The following NPAS2 variants were observed in gnomAD, a reference collection of about 807,000 sequenced individuals.
NPAS2 encodes the protein neuronal PAS domain protein 2.
Under a neutral mutation model 107.5 loss-of-function variants are expected in NPAS2, and 23 were observed. The observed-to-expected ratio is 0.21, with a 90% CI of 0.15 to 0.30. The LOEUF is 0.30. Ranked by LOEUF, NPAS2 falls within the 10% of genes least tolerant of loss-of-function variation. NPAS2 has a pLI of 1.00. For synonymous variants in NPAS2, 403 were observed against 417.5 expected (o/e 0.97, Z 0.42); for missense variants, 756 against 1,043.3 (o/e 0.72, Z 3.79).
chr2:100,973,173 C>T lies in NPAS2; in HGVS notation c.1141-1630C>T, dbSNP rs1573761107. Among the ~76,000 whole-genome samples the T allele has an allele frequency of 2.0e-5, 3 of 150,138 alleles. No homozygotes were observed. The South Asian group carries it at 6.3e-4, about 32-fold the overall frequency. ...CAGCCTGGGCAACAGAGCGAGACTC[C>T]GTCTCAAAAAAAAAAAAAATACAAA... On this transcript the variant is annotated intron_variant, in intron 12 of 20. Coordinates refer to ENST00000335681, the MANE Select transcript of NPAS2 (RefSeq NM_002518.4).
intron 20 of NPAS2, chr2:100,995,019 G>A (rs769325373): frequency 4.7e-6 from 1 of 212,264 alleles, no homozygotes; most frequent in South Asian, 1.7e-4. Context: ...CTGTATGTGT[G>A]TTTGGATTCT....
intron 1 of NPAS2, among the ~76,000 whole-genome samples, chr2:100,881,911 G>C (rs1680374376): frequency 6.6e-6 from 1 of 152,166 alleles, no homozygotes; most frequent in African/African-American, 2.4e-5. Flanking sequence ...TCAGCTCTCT[G>C]TGACACCCAC....
chr2:100,967,101 G>A (rs887024172), intron 10 of NPAS2, among the ~76,000 whole-genome samples: 3 of 152,118 alleles, frequency 2.0e-5, no homozygotes, highest in Non-Finnish European at 2.9e-5. Context: ...ACAAGATCCC[G>A]AAGTGAAGAA....
At chr2:100,852,342 A>G (rs1678251400) in intron 1 of NPAS2, among the ~76,000 whole-genome samples, 1 of 152,070 alleles carries the variant, frequency 6.6e-6, no homozygotes, top group Non-Finnish European at 1.5e-5. Context: ...GCTTGCAGTG[A>G]GCTGAGATCG....
chr2:100,896,166 C>A (rs1376892103), intron 1 of NPAS2, among the ~76,000 whole-genome samples: 1 of 152,166 alleles, frequency 6.6e-6, no homozygotes, highest in Non-Finnish European at 1.5e-5. Context: ...CCTGTTTGCA[C>A]CTTGCACAAT....
intron 2 of NPAS2, among the ~76,000 whole-genome samples, chr2:100,923,121 A>G (rs867154533): frequency 1.3e-5 from 2 of 152,202 alleles, no homozygotes; most frequent in South Asian, 4.2e-4. Context: ...AGCCTGGACT[A>G]GCAACAAGAC....
chr2:100,975,443 G>A lies in NPAS2; in HGVS notation c.1283-15G>A, dbSNP rs554193489. On this transcript the variant is annotated splice_polypyrimidine_tract_variant and intron_variant, in intron 13 of 20. Transcript: ENST00000335681. ...GTACATGGAAGTTAGAAGGTCATTCGTTGCTTTCTTACAGCCACTCCCACC... is the reference window on the plus strand; with the variant it reads ...GTACATGGAAGTTAGAAGGTCATTCATTGCTTTCTTACAGCCACTCCCACC... 6.2e-6 allele frequency: 10 copies of A among 1,606,952 alleles called. No homozygotes were observed. The highest frequency in any genetic ancestry group is 3.4e-5 in the Admixed American group (2 of 59,190).
intron 8 of NPAS2, 58 bp downstream of exon 8, chr2:100,964,234 T>G: frequency 2.8e-6 from 3 of 1,089,130 alleles, no homozygotes; most frequent in Non-Finnish European, 4.3e-6. Flanking sequence ...TCACATTTTG[T>G]TATATGTAAT....
At chr2:100,859,262 CA>C (rs992685854) in intron 1 of NPAS2, among the ~76,000 whole-genome samples, 2 of 151,652 alleles carry the variant, frequency 1.3e-5, no homozygotes, top group African/African-American at 2.4e-5. Flanking sequence ...GACTCCATCT[CA>C]AAAAAAATAG....
intron 1 of NPAS2, chr2:100,878,090 C>T: frequency 1.0e-6 from 1 of 985,350 alleles, no homozygotes; most frequent in Non-Finnish European, 1.2e-6. Context: ...GTCAGCATTC[C>T]CCTATGTCCA....
At chr2:100,982,174 C>T in intron 15 of NPAS2, 57 bp from the exon 16 acceptor site, 1 of 1,597,316 alleles carries the variant, frequency 6.3e-7, no homozygotes, top group Non-Finnish European at 8.6e-7. Flanking sequence ...GCAAGATCTG[C>T]CTGCAAGGCT....
chr2:100,921,408 A>G (rs1298671361), intron 2 of NPAS2, among the ~76,000 whole-genome samples: 1 of 152,206 alleles, frequency 6.6e-6, no homozygotes, highest in African/African-American at 2.4e-5. Context: ...ACCAGACCCA[A>G]ACTCCCCAAG....
chr2:100,936,235 G>A (rs984517991), intron 4 of NPAS2, among the ~76,000 whole-genome samples: 2 of 152,134 alleles, frequency 1.3e-5, no homozygotes, highest in Non-Finnish European at 2.9e-5. Flanking sequence ...GGCCTCTTCC[G>A]GGTTCCCGCT....
chr2:100,981,006 T>C (rs1371474641), intron 15 of NPAS2, among the ~76,000 whole-genome samples: 1 of 151,990 alleles, frequency 6.6e-6, no homozygotes, highest in Non-Finnish European at 1.5e-5. Flanking sequence ...ACAACACACG[T>C]ACCTCTACTT....
chr2:100,989,989 G>A, intron 17 of NPAS2: 1 of 455,752 alleles, frequency 2.2e-6, no homozygotes. Flanking sequence ...CCATGTGTCT[G>A]CAGTAGAATT....
intron 2 of NPAS2, among the ~76,000 whole-genome samples, chr2:100,914,727 AT>A (rs1251156366): frequency 6.6e-6 from 1 of 152,192 alleles, no homozygotes; most frequent in Non-Finnish European, 1.5e-5. Context: ...TTACAAACTC[AT>A]TAAAAAATAT....
chr2:100,912,244 ATTTATTTATTTATT>A (rs1558865652), intron 2 of NPAS2, among the ~76,000 whole-genome samples: 26 of 109,610 alleles, frequency 2.4e-4, no homozygotes, highest in African/African-American at 6.0e-4. Flanking sequence ...TTATTTATTT[ATTTATTTATTTATT>A]ATTATTATTT....
intron 1 of NPAS2, chr2:100,878,257 C>T (rs190871621): frequency 1.2e-5 from 12 of 985,344 alleles, no homozygotes; most frequent in Middle Eastern, 5.2e-4. Context: ...GAGGACTGTC[C>T]GAGGAGCTCG....
intron 1 of NPAS2, among the ~76,000 whole-genome samples, chr2:100,902,328 C>T (rs962785479): frequency 6.6e-5 from 10 of 152,332 alleles, no homozygotes; most frequent in South Asian, 2.1e-4. Context: ...AGCCCATGTC[C>T]ATGGACAGAT....
Sources: gnomAD v4.1 joint callset for allele counts (sites outside exome capture counted in the v4.1 genomes callset) on GRCh38, gnomAD v4.1.1 for gene constraint, MANE v1.5 for transcripts, NCBI Gene and HGNC (gene_info 2026-07-23, HGNC 2026-07-21) for gene names.